The following SIK2 variants were observed in gnomAD, a reference collection of about 807,000 sequenced individuals.
SIK2 encodes the protein salt inducible kinase 2.
Under a neutral mutation model 103.2 loss-of-function variants are expected in SIK2, and 29 were observed. That is an observed-to-expected ratio of 0.28 (90% CI 0.21 to 0.38). The LOEUF is 0.38. Ranked by LOEUF, SIK2 falls within the 10% of genes least tolerant of loss-of-function variation. The pLI is 1.00. For missense variants in SIK2, 879 were observed against 1,171.0 expected (o/e 0.75, Z 3.64); for synonymous variants, 412 against 446.1 (o/e 0.92, Z 0.96).
chr11:111,703,444 G>T, intron 7 of SIK2, 21 bp downstream of exon 7: 1 of 1,608,240 alleles, frequency 6.2e-7, no homozygotes, highest in South Asian at 1.1e-5. Context: ...CAGAGATTTC[G>T]GGGTTCTACT....
At chr11:111,634,961 A>G (rs1377722736) in intron 3 of SIK2, among the ~76,000 whole-genome samples, 1 of 152,218 alleles carries the variant, frequency 6.6e-6, no homozygotes, top group Non-Finnish European at 1.5e-5. Flanking sequence ...ATGAAATTAG[A>G]CTATCCTTGG....
chr11:111,649,372 A>G (rs1025022589), intron 3 of SIK2, among the ~76,000 whole-genome samples: 4 of 152,190 alleles, frequency 2.6e-5, no homozygotes, highest in African/African-American at 9.6e-5. Flanking sequence ...ACATCTCACT[A>G]TAAATGAAGG....
At chr11:111,612,948 T>TATATATA (rs1555024123) in intron 1 of SIK2, among the ~76,000 whole-genome samples, 1,084 of 95,542 alleles carry the variant, frequency 0.011, 31 homozygotes, top group African/African-American at 0.048. Context: ...ATATATATAT[T>TATATATA]TATGATCATA....
chr11:111,630,740 T>C (rs1942027232), intron 3 of SIK2, among the ~76,000 whole-genome samples: 1 of 152,094 alleles, frequency 6.6e-6, no homozygotes, highest in Admixed American at 6.6e-5. Flanking sequence ...GGGTATTTGG[T>C]CATTAAGAGA....
chr11:111,661,116 A>G (rs1397439926), intron 3 of SIK2, among the ~76,000 whole-genome samples: 2 of 151,720 alleles, frequency 1.3e-5, no homozygotes, highest in Non-Finnish European at 2.9e-5. Context: ...CTGAGTATAT[A>G]CTCTTTCTCT....
At chr11:111,715,768 A>G (rs1253247208) in intron 9 of SIK2, among the ~76,000 whole-genome samples, 2 of 149,790 alleles carry the variant, frequency 1.3e-5, no homozygotes, top group African/African-American at 4.9e-5. Flanking sequence ...ACATACATAT[A>G]CACGCACACT....
chr11:111,667,518 G>T (rs1036603059), intron 3 of SIK2, among the ~76,000 whole-genome samples: 12 of 138,300 alleles, frequency 8.7e-5, no homozygotes, highest in Admixed American at 3.9e-4. Flanking sequence ...TTGAGTCAGG[G>T]TCTCACTCTG....
At chr11:111,618,082 C>T (rs1941832744) in intron 2 of SIK2, among the ~76,000 whole-genome samples, 1 of 152,074 alleles carries the variant, frequency 6.6e-6, no homozygotes, top group South Asian at 2.1e-4. Flanking sequence ...ACTTTTTTGG[C>T]ACCAGGGACC....
chr11:111,682,396 A>C (rs1255669261), intron 3 of SIK2, among the ~76,000 whole-genome samples: 1 of 152,230 alleles, frequency 6.6e-6, no homozygotes, highest in Non-Finnish European at 1.5e-5. Flanking sequence ...CTCCAGAAAC[A>C]AAATAAACAA....
intron 8 of SIK2, among the ~76,000 whole-genome samples, chr11:111,708,915 A>G (rs1202736107): frequency 1.3e-5 from 2 of 152,112 alleles, no homozygotes; most frequent in African/African-American, 4.8e-5. Flanking sequence ...TGGCCTAACC[A>G]CTTGTTTTTA....
At chr11:111,611,210 G>C (rs528813) in intron 1 of SIK2, among the ~76,000 whole-genome samples, 151,367 of 151,368 alleles carry the variant, frequency 1, 75,683 homozygotes, top group Non-Finnish European at 1. Context: ...GATCGCGCCA[G>C]TGCACTCCAG....
chr11:111,690,550 G>A (rs1392054419), intron 4 of SIK2, among the ~76,000 whole-genome samples: 4 of 151,832 alleles, frequency 2.6e-5, no homozygotes, highest in African/African-American at 9.7e-5. Context: ...CTATCAACTC[G>A]TCATCTAGGT....
At chr11:111,609,096 G>C (rs536367609) in intron 1 of SIK2, among the ~76,000 whole-genome samples, 9 of 147,892 alleles carry the variant, frequency 6.1e-5, no homozygotes. Flanking sequence ...TTTATATGAT[G>C]ATGATTTGCA....
In SIK2 at chr11:111,724,289, T is replaced by C. The variant is rs1943900816; in HGVS notation, c.*160T>C. ...CAGAGGGTCTGGCTGGGGTGGATGT[T>C]GCTTCCTCCTGGTTCTGCCCCACCA... On this transcript the variant is annotated 3_prime_UTR_variant, in exon 15 of 15. Transcript: ENST00000304987. 9.6e-7 allele frequency: 1 copy of C among 1,042,890 alleles called. No individual in the cohort carries two copies. Among genetic ancestry groups the C allele is most frequent in the East Asian group, 2.6e-5 (1 of 38,130 alleles). 64.6% of individuals were successfully genotyped at this position (1,042,890 alleles called of 1,614,324 possible). A position where few individuals can be genotyped will look rare whatever the true frequency, so the allele number is the denominator to read the frequency against.
chr11:111,667,093 G>C (rs1178743693), intron 3 of SIK2, among the ~76,000 whole-genome samples: 1 of 151,594 alleles, frequency 6.6e-6, no homozygotes. Flanking sequence ...TCAGCCTCCC[G>C]AGTAGCTGGG....
chr11:111,671,151 GC>G (rs771888881), intron 3 of SIK2: 3 of 210,596 alleles, frequency 1.4e-5, no homozygotes, highest in African/African-American at 2.4e-5. Context: ...CACCTGAGTA[GC>G]CACTGGTGGT....
intron 12 of SIK2, 48 bp from the exon 13 acceptor site, chr11:111,721,782 T>G: frequency 6.7e-7 from 1 of 1,482,878 alleles, no homozygotes; most frequent in Middle Eastern, 1.8e-4. Flanking sequence ...ACTGAGACGT[T>G]TTTCCCCATG....
intron 4 of SIK2, among the ~76,000 whole-genome samples, chr11:111,692,373 A>C (rs887092737): frequency 2.3e-4 from 33 of 142,830 alleles, no homozygotes; most frequent in Middle Eastern, 3.5e-3. Context: ...AAAAAAAAAA[A>C]AAAAAAAAAA....
chr11:111,722,886 C>T lies in SIK2; in HGVS notation c.2147+130C>T. 2.6e-6 allele frequency: 2 copies of T among 758,852 alleles called. No homozygotes were observed. The highest frequency in any genetic ancestry group is 1.8e-5 in the African/African-American group (1 of 56,842). 47.0% of individuals were successfully genotyped at this position (758,852 alleles called of 1,614,324 possible). A position where few individuals can be genotyped will look rare whatever the true frequency, so the allele number is the denominator to read the frequency against. ...TAGGTTTTCTGCGTGTGTCACAGGC[C>T]CTCTGAGCACGATTACTAAGAGGAT... On this transcript the variant is annotated intron_variant, in intron 14 of 14. Coordinates refer to ENST00000304987, the MANE Select transcript of SIK2 (RefSeq NM_015191.3). The surrounding 1 kb of genome is among the most constrained non-coding windows in gnomAD (Gnocchi z 4.4).
Sources: gnomAD v4.1 joint callset for allele counts (sites outside exome capture counted in the v4.1 genomes callset) on GRCh38, gnomAD v4.1.1 for gene constraint, Gnocchi (gnomAD v3.1) non-coding constraint, MANE v1.5 for transcripts, NCBI Gene and HGNC (gene_info 2026-07-23, HGNC 2026-07-21) for gene names.